TARBP1: variants seen among roughly 807,000 people sequenced by gnomAD.
TARBP1 encodes the protein tRNA guanosine 2 -O-methyltransferase TARBP1, also known as tRNA (guanosine(18)-2'-O)-methyltransferase TARBP1.
A neutral mutation model predicts 178.6 loss-of-function variants in TARBP1; 144 were observed. The observed-to-expected ratio is 0.81, with a 90% CI of 0.70 to 0.93. TARBP1 has a LOEUF of 0.93. Among genes scored for constraint, TARBP1 ranks in the 40% least tolerant of loss-of-function variants. The probability of loss-of-function intolerance (pLI) is 0.00; values close to 1 mark genes in which losing one functional copy is unlikely to be tolerated. For missense variants in TARBP1, 2,067 were observed against 2,011.7 expected (o/e 1.03, Z -0.53); for synonymous variants, 787 against 781.0 (o/e 1.01, Z -0.13).
chr1:234,412,354 G>GGAGGTT (rs1335316772), intron 22 of TARBP1, among the ~76,000 whole-genome samples: 7 of 150,188 alleles, frequency 4.7e-5, no homozygotes, highest in Non-Finnish European at 1.0e-4. Flanking sequence ...CCCAGGAGAT[G>GGAGGTT]GAGGTTGCAG....
chr1:234,446,933 G>A lies in TARBP1; in HGVS notation c.2004C>T (p.Asp668=). 1.2e-6 allele frequency: 2 copies of A among 1,613,848 alleles called. No individual in the cohort carries two copies. Among genetic ancestry groups the A allele is most frequent in the African/African-American group, 1.3e-5 (1 of 75,016 alleles). The change falls in exon 12 of 30, where the codon GAC becomes GAT. Residue 668 remains aspartate, a synonymous_variant. Transcript: ENST00000040877. ...ACTTCATAAGCACATCCAGAAGAGGGTCTAAGAATATCCGCAATACATTCT... is the reference window on the plus strand; with the variant it reads ...ACTTCATAAGCACATCCAGAAGAGGATCTAAGAATATCCGCAATACATTCT... ...RTENVLRIFL[D]PLLDVLMKFS...
chr1:234,393,618 C>CA (rs771304985), intron 27 of TARBP1, 28 bp downstream of exon 27: 1 of 1,593,880 alleles, frequency 6.3e-7, no homozygotes, highest in Non-Finnish European at 8.6e-7. Flanking sequence ...AGCTTTCAGG[C>CA]AAAGCTCCCA....
chr1:234,469,077 T>TGAAAAAAAAAAAAA (rs1413764322), intron 3 of TARBP1, among the ~76,000 whole-genome samples: 2 of 63,764 alleles, frequency 3.1e-5, no homozygotes, highest in African/African-American at 6.1e-5. Context: ...TTTTTTTTTT[T>TGAAAAAAAAAAAAA]AAAAAAAAAA....
At chr1:234,398,599 C>A in intron 25 of TARBP1, 46 bp from the exon 26 acceptor site, 2 of 1,370,240 alleles carry the variant, frequency 1.5e-6, no homozygotes, top group South Asian at 1.5e-5. Context: ...TTAAGAATAA[C>A]AAAGAAATAT....
intron 1 of TARBP1, among the ~76,000 whole-genome samples, chr1:234,474,191 C>G (rs1669346396): frequency 6.8e-6 from 1 of 147,360 alleles, no homozygotes; most frequent in Non-Finnish European, 1.5e-5. Flanking sequence ...TTATAGTGAG[C>G]TATAATCACG....
chr1:234,453,537 T>G (rs1037392839), intron 9 of TARBP1, among the ~76,000 whole-genome samples: 1 of 151,590 alleles, frequency 6.6e-6, no homozygotes, highest in African/African-American at 2.4e-5. Context: ...AAATACTGTT[T>G]CAAAAAATAA....
chr1:234,466,435 C>A (rs117932766), intron 4 of TARBP1, among the ~76,000 whole-genome samples: 12,712 of 152,204 alleles, frequency 0.084, 921 homozygotes, highest in East Asian at 0.27. Context: ...TCCCTTAAAT[C>A]TGGGAGGCAG....
intron 1 of TARBP1, 122 bp downstream of exon 1, chr1:234,478,051 A>C: frequency 1.0e-6 from 1 of 983,666 alleles, no homozygotes; most frequent in Non-Finnish European, 1.5e-6. Context: ...GCAACGCGGA[A>C]TAACCAAATT....
chr1:234,475,396 G>T (rs771133364), intron 1 of TARBP1, among the ~76,000 whole-genome samples: 2 of 152,188 alleles, frequency 1.3e-5, no homozygotes, highest in African/African-American at 2.4e-5. Flanking sequence ...CCCTTCACTC[G>T]GCACTGACAC....
intron 9 of TARBP1, among the ~76,000 whole-genome samples, chr1:234,457,229 CATG>C (rs1369225232): frequency 6.6e-6 from 1 of 152,108 alleles, no homozygotes; most frequent in Non-Finnish European, 1.5e-5. Flanking sequence ...AGGAGGGTTT[CATG>C]ATGAATTGGA....
At position 234,394,119 on chromosome 1, in the gene TARBP1, G is replaced by A. The variant is rs1384065693; in HGVS notation, c.4244-282C>T. Among the ~76,000 whole-genome samples the A allele has an allele frequency of 3.3e-5, 5 of 152,128 alleles. No homozygotes were observed. In the East Asian group the frequency reaches 9.6e-4, roughly 29 times the overall value. Reference sequence around the variant, plus strand: ...CGTTTTTTCACGTTTTAGCATATCTGAAATTGAGACACATCTTAGAATCCA... The same window carrying A: ...CGTTTTTTCACGTTTTAGCATATCTAAAATTGAGACACATCTTAGAATCCA... On this transcript the variant is annotated intron_variant, in intron 26 of 29. Transcript: ENST00000040877.
chr1:234,472,107 C>T (rs1334518843), intron 2 of TARBP1, among the ~76,000 whole-genome samples: 1 of 152,096 alleles, frequency 6.6e-6, no homozygotes, highest in South Asian at 2.1e-4. Flanking sequence ...GAGGCCAAGG[C>T]GGGTGGATTA....
intron 5 of TARBP1, among the ~76,000 whole-genome samples, chr1:234,465,031 T>G (rs1232121807): frequency 6.6e-6 from 1 of 152,026 alleles, no homozygotes; most frequent in Non-Finnish European, 1.5e-5. Context: ...GACGTCCTGG[T>G]GTGAATTCAC....
At chr1:234,438,153 G>A (rs1665225147) in intron 12 of TARBP1, among the ~76,000 whole-genome samples, 1 of 152,218 alleles carries the variant, frequency 6.6e-6, no homozygotes, top group Admixed American at 6.5e-5. Flanking sequence ...CAGGTTGACT[G>A]TGTACTGGAC....
At chr1:234,456,797 C>T (rs750407564) in intron 9 of TARBP1, among the ~76,000 whole-genome samples, 5 of 152,064 alleles carry the variant, frequency 3.3e-5, no homozygotes, top group Non-Finnish European at 5.9e-5. Context: ...TTTAGTTTGA[C>T]GGTAGGCATT....
chr1:234,476,007 C>T (rs1669537003), intron 1 of TARBP1, among the ~76,000 whole-genome samples: 1 of 142,866 alleles, frequency 7.0e-6, no homozygotes, highest in Admixed American at 6.9e-5. Flanking sequence ...TCCATCTCTA[C>T]TGTTATTATA....
intron 24 of TARBP1, 82 bp downstream of exon 24, chr1:234,405,821 T>G (rs1661173781): frequency 1.5e-6 from 2 of 1,335,140 alleles, no homozygotes; most frequent in Non-Finnish European, 2.1e-6. Context: ...AAGGAGAAGC[T>G]GACACAGTAT....
chr1:234,430,189 C>T lies in TARBP1; in HGVS notation c.2507G>A (p.Gly836Glu). ...PELQLDSLHA[G>E]PLESFLSSLQ... ...AGAGGAAAGGAAGCTTTCCAGGGGC[C>T]CAGCATGGAGAGAGTCCAGCTGCAG... The change falls in exon 15 of 30, where the codon GGG (glycine) becomes GAG (glutamate). Residue 836 changes from glycine to glutamate, a missense_variant. By Grantham distance (98) the Gly-to-Glu change is moderately conservative (BLOSUM62 -2). Coordinates refer to ENST00000040877, the MANE Select transcript of TARBP1 (RefSeq NM_005646.4). The T allele has an allele frequency of 6.2e-7, 1 of 1,614,192 alleles. No individual in the cohort carries two copies. The highest frequency in any genetic ancestry group is 8.5e-7 in the Non-Finnish European group (1 of 1,180,038).
intron 26 of TARBP1, among the ~76,000 whole-genome samples, chr1:234,396,788 T>C (rs975379194): frequency 6.0e-5 from 9 of 151,252 alleles, no homozygotes; most frequent in African/African-American, 1.9e-4. Context: ...AAAAAAAATC[T>C]AAGGGTGGGA....
Sources: gnomAD v4.1 joint callset for allele counts (sites outside exome capture counted in the v4.1 genomes callset) on GRCh38, gnomAD v4.1.1 for gene constraint, MANE v1.5 for transcripts, NCBI Gene and HGNC (gene_info 2026-07-23, HGNC 2026-07-21) for gene names.